The following C1QL1 variants were observed in gnomAD, a reference collection of about 807,000 sequenced individuals.
The protein encoded by C1QL1 is C1q-related factor.
A neutral mutation model predicts 14.2 loss-of-function variants in C1QL1; 15 were observed. That is an observed-to-expected ratio of 1.06 (90% CI 0.71 to 1.62). The LOEUF is 1.62. Ranked by LOEUF, C1QL1 falls within the 40% of genes most tolerant of loss-of-function variation. The pLI is 0.00. For synonymous variants in C1QL1, 172 were observed against 172.4 expected, an observed-to-expected ratio of 1.00 and a Z score of 0.02; for missense variants, 346 against 380.3, an observed-to-expected ratio of 0.91 and a Z score of 0.75.
At position 44,967,916 on chromosome 17, in the gene C1QL1, G is replaced by A. The variant is rs2052667123; in HGVS notation, c.133C>T (p.Arg45Trp). 1.6e-6 allele frequency: 2 copies of A among 1,255,318 alleles called. No individual in the cohort carries two copies. The highest frequency in any genetic ancestry group is 2.0e-6 in the Non-Finnish European group (2 of 1,004,626). The allele number at this position is 1,255,318 out of a possible 1,614,324, so 77.8% of individuals were successfully genotyped here. A position where few individuals can be genotyped will look rare whatever the true frequency, so the allele number is the denominator to read the frequency against. Residue 45 changes from arginine (R) to tryptophan (W), a missense_variant, in exon 1 of 2, where the codon CGG becomes TGG. Arg to Trp is a moderately radical substitution (Grantham distance 101). Transcript: ENST00000253407. The surrounding 1 kb of genome is among the most constrained non-coding windows in gnomAD (Gnocchi z 7.0). ...CTCAGGGCGTCGCCGCCGTCGGTCC[G>A]CGCGCCGGCGCCGGGGCCCCGCGCG... ...YPARGPGAGA[R>W]TDGGDALSEQ...
In C1QL1 at chr17:44,960,179, G is replaced by T. The variant is rs756330642; in HGVS notation, c.*9C>A. On this transcript the variant is annotated 3_prime_UTR_variant, in exon 2 of 2. Transcript: ENST00000253407. ...GTGAGGGACGTGGGTGGAGGGAGAC[G>T]TGGGGAGCTCAGTCGGAGTAGATGA... 2 of 1,613,448 alleles carry T rather than the reference G, an allele frequency of 1.2e-6. No homozygotes were observed. The highest frequency in any genetic ancestry group is 1.1e-5 in the South Asian group (1 of 91,044).
Position 44,968,043 on chromosome 17 carries a change from C to A in C1QL1, c.6G>T (p.Leu2=). ...CGGGGATGAGCACCACCAGCACCAGCAGCATCACCACACCCGCGGCGGCCG... is the reference window on the plus strand; with the variant it reads ...CGGGGATGAGCACCACCAGCACCAGAAGCATCACCACACCCGCGGCGGCCG... M[L]LVLVVLIPVL... Residue 2 remains leucine (L), a synonymous_variant, in exon 1 of 2, where the codon CTG becomes CTT. Coordinates refer to ENST00000253407, the MANE Select transcript of C1QL1 (RefSeq NM_006688.5). The A allele has an allele frequency of 3.7e-6, 5 of 1,340,284 alleles. No homozygotes were observed. The highest frequency in any genetic ancestry group is 3.8e-6 in the Non-Finnish European group (4 of 1,044,178). 83.0% of individuals were successfully genotyped at this position (1,340,284 alleles called of 1,614,324 possible).
At chr17:44,965,630 T>C (rs565920537) in intron 1 of C1QL1, among the ~76,000 whole-genome samples, 1 of 152,314 alleles carries the variant, frequency 6.6e-6, no homozygotes, top group East Asian at 1.9e-4. Flanking sequence ...GCTTTTGAGA[T>C]GGTTTTACCT....
chr17:44,964,502 T>C (rs2052646120), intron 1 of C1QL1, among the ~76,000 whole-genome samples: 1 of 152,230 alleles, frequency 6.6e-6, no homozygotes, highest in South Asian at 2.1e-4. Flanking sequence ...GGGTAGGCCC[T>C]ACTGAAGCAC....
intron 1 of C1QL1, among the ~76,000 whole-genome samples, chr17:44,963,208 C>T (rs945091753): frequency 2.0e-5 from 3 of 152,180 alleles, no homozygotes; most frequent in Admixed American, 6.5e-5. Context: ...GAAACACGTT[C>T]CTGCCCTCAG....
intron 1 of C1QL1, among the ~76,000 whole-genome samples, chr17:44,961,489 G>A (rs972091101): frequency 1.3e-5 from 2 of 152,106 alleles, no homozygotes; most frequent in Non-Finnish European, 2.9e-5. Context: ...CTCCTGGGGA[G>A]GCTGAGGCAG....
At chr17:44,960,703 C>G (rs1342706539) in intron 1 of C1QL1, among the ~76,000 whole-genome samples, 2 of 152,228 alleles carry the variant, frequency 1.3e-5, no homozygotes, top group African/African-American at 4.8e-5. Context: ...CCTGTCCTTG[C>G]AAAGAGGAAT....
chr17:44,967,317 A>G lies in C1QL1; in HGVS notation c.597+135T>C. Reference sequence around the variant, plus strand: ...CGACCATCCCCACACGTGATGACCAAGCGGGGCCGCTGTGGGGTGGGATCT... The same window carrying G: ...CGACCATCCCCACACGTGATGACCAGGCGGGGCCGCTGTGGGGTGGGATCT... On this transcript the variant is annotated intron_variant, in intron 1 of 1. Coordinates refer to ENST00000253407, the MANE Select transcript of C1QL1 (RefSeq NM_006688.5). This position sits in a 1 kb window ranked among gnomAD's most constrained non-coding sequence, Gnocchi z 7.0. The G allele has an allele frequency of 1.1e-6, 1 of 932,478 alleles. No homozygotes were observed. The highest frequency in any genetic ancestry group is 2.6e-5 in the East Asian group (1 of 37,874). The allele number at this position is 932,478 out of a possible 1,614,324, so 57.8% of individuals were successfully genotyped here.
At chr17:44,964,146 G>A (rs375582207) in intron 1 of C1QL1, among the ~76,000 whole-genome samples, 5 of 152,212 alleles carry the variant, frequency 3.3e-5, no homozygotes, top group Non-Finnish European at 5.9e-5. Flanking sequence ...TGAAGGTGGT[G>A]CTCCCCATCC....
intron 1 of C1QL1, 83 bp from the exon 2 acceptor site, chr17:44,960,450 G>C: frequency 1.0e-6 from 1 of 967,722 alleles, no homozygotes; most frequent in Non-Finnish European, 1.6e-6. Context: ...CGTGGGGGAG[G>C]ATCAGCAGAC....
chr17:44,967,938 C>A lies in C1QL1; in HGVS notation c.111G>T (p.Ala37=). The A allele has an allele frequency of 7.8e-7, 1 of 1,288,896 alleles. No individual in the cohort carries two copies. Among genetic ancestry groups the A allele is most frequent in the South Asian group, 2.9e-5 (1 of 34,036 alleles). The allele number at this position is 1,288,896 out of a possible 1,614,324, so 79.8% of individuals were successfully genotyped here. ...TCCGCGCGCCGGCGCCGGGGCCCCG[C>A]GCGGGGTAGGGGTCGCACACCATGC... The part of the protein sequence containing the change: ...TCRMVCDPYP[A]RGPGAGARTD... Residue 37 remains alanine, a synonymous_variant, in exon 1 of 2, where the codon GCG becomes GCT. Transcript: ENST00000253407. This position sits in a 1 kb window ranked among gnomAD's most constrained non-coding sequence, Gnocchi z 7.0.
At chr17:44,960,397 G>A (rs1192851136) in intron 1 of C1QL1, 30 bp from the exon 2 acceptor site, 1 of 1,523,176 alleles carries the variant, frequency 6.6e-7, no homozygotes, top group African/African-American at 1.4e-5. Flanking sequence ...GAGGGAGGGC[G>A]AGAGGAGAGA....
At chr17:44,966,302 G>T (rs991087920) in intron 1 of C1QL1, among the ~76,000 whole-genome samples, 1 of 152,186 alleles carries the variant, frequency 6.6e-6, no homozygotes, top group African/African-American at 2.4e-5. Context: ...TTGCAGACCC[G>T]CAGGCTGGCA....
chr17:44,960,372 G>A lies in C1QL1; in HGVS notation c.598-5C>T, dbSNP rs1232361508. The A allele has an allele frequency of 1.2e-6, 2 of 1,611,572 alleles. No individual in the cohort carries two copies. The highest frequency in any genetic ancestry group is 3.3e-5 in the Admixed American group (2 of 60,002). On this transcript the variant is annotated splice_region_variant and splice_polypyrimidine_tract_variant and intron_variant, in intron 1 of 1. Transcript: ENST00000253407. ...GGCAATAGCACTGGCCCGCACCTGC[G>A]GGTGGGGGACACGGGAGGGAGGGCG...
At position 44,967,961 on chromosome 17, in the gene C1QL1, T is replaced by A; in HGVS notation, c.88A>T (p.Met30Leu). Reference protein sequence around the residue: ...GHYEMLGTCRMVCDPYPARGP... With the variant: ...GHYEMLGTCRLVCDPYPARGP... ...CGCGCGGGGTAGGGGTCGCACACCA[T>A]GCGGCAGGTGCCCAGCATCTCATAG... The change falls in exon 1 of 2, where the codon ATG becomes TTG. Residue 30 changes from methionine (M) to leucine (L), a missense_variant. By Grantham distance (15) the Met-to-Leu change is conservative. Coordinates refer to ENST00000253407, the MANE Select transcript of C1QL1 (RefSeq NM_006688.5). The surrounding 1 kb of genome is among the most constrained non-coding windows in gnomAD (Gnocchi z 7.0). 7.4e-7 allele frequency: 1 copy of A among 1,348,594 alleles called. No individual in the cohort carries two copies. Among genetic ancestry groups the A allele is most frequent in the Non-Finnish European group, 9.5e-7 (1 of 1,050,888 alleles). The allele number at this position is 1,348,594 out of a possible 1,614,324, so 83.5% of individuals were successfully genotyped here. A position where few individuals can be genotyped will look rare whatever the true frequency, so the allele number is the denominator to read the frequency against.
chr17:44,960,242 G>A lies in C1QL1; in HGVS notation c.723C>T (p.Gly241=). Residue 241 remains glycine, a synonymous_variant, in exon 2 of 2, where the codon GGC becomes GGT. Transcript: ENST00000253407. ...FIKLDGGKAH[G]GNSNKYSTFS... is the part of the protein sequence containing the mutation. Reference sequence around the variant, plus strand: ...ACGTGCTGTATTTGTTGCTGTTGCCGCCGTGTGCTTTGCCTCCATCCAGCT... The same window carrying A: ...ACGTGCTGTATTTGTTGCTGTTGCCACCGTGTGCTTTGCCTCCATCCAGCT... 1.2e-6 allele frequency: 2 copies of A among 1,614,150 alleles called. No homozygotes were observed. The highest frequency in any genetic ancestry group is 1.1e-5 in the South Asian group (1 of 91,082).
intron 1 of C1QL1, among the ~76,000 whole-genome samples, chr17:44,965,015 ATTT>A (rs564042405): frequency 2.3e-5 from 3 of 132,702 alleles, no homozygotes. Context: ...TAATGTTTGT[ATTT>A]TTTTTTTTTT....
At chr17:44,960,509 C>T (rs1274129893) in intron 1 of C1QL1, 142 bp from the exon 2 acceptor site, 2 of 627,536 alleles carry the variant, frequency 3.2e-6, no homozygotes, top group Admixed American at 2.7e-5. Context: ...CGCTCCCCCT[C>T]CCCCGCCCCC....
At position 44,967,496 on chromosome 17, in the gene C1QL1, C is replaced by A; in HGVS notation, c.553G>T (p.Gly185Cys). ...FFTYHVLMRG[G>C]DGTSMWADLC... ...TCTGCCCACATACTGGTGCCGTCGC[C>A]GCCGCGCATGAGGACATGGTAGGTG... Residue 185 changes from glycine (G) to cysteine (C), a missense_variant, in exon 1 of 2, where the codon GGC (glycine) becomes TGC (cysteine). Physicochemically the swap from Gly to Cys is radical, Grantham distance 159. Coordinates refer to ENST00000253407, the MANE Select transcript of C1QL1 (RefSeq NM_006688.5). This position sits in a 1 kb window ranked among gnomAD's most constrained non-coding sequence, Gnocchi z 7.0. 1 of 1,614,000 alleles carries A rather than the reference C, an allele frequency of 6.2e-7. No homozygotes were observed. Among genetic ancestry groups the A allele is most frequent in the Non-Finnish European group, 8.5e-7 (1 of 1,179,914 alleles).
Sources: allele counts gnomAD v4.1 joint callset (sites outside exome capture counted in the v4.1 genomes callset), GRCh38; gene constraint gnomAD v4.1.1; non-coding constraint Gnocchi (gnomAD v3.1); transcripts MANE v1.5; gene names NCBI Gene and HGNC (gene_info 2026-07-23, HGNC 2026-07-21).